The following LMO7 variants were observed in gnomAD, a reference collection of about 807,000 sequenced individuals.
The protein encoded by LMO7 is LIM domain only protein 7.
In LMO7, 120 loss-of-function variants were observed where a neutral mutation model predicts 206.5. That is an observed-to-expected ratio of 0.58 (90% CI 0.50 to 0.68). The LOEUF is 0.68. LMO7 is among the 30% of genes least tolerant of loss of function. The probability of loss-of-function intolerance (pLI) is 0.00; values close to 1 mark genes in which losing one functional copy is unlikely to be tolerated. For synonymous variants in LMO7, 706 were observed against 681.5 expected, an observed-to-expected ratio of 1.04 and a Z score of -0.56; for missense variants, 1,959 against 1,957.9, an observed-to-expected ratio of 1.00 and a Z score of -0.01.
chr13:75,820,963 A>T (rs534201138), intron 13 of LMO7, among the ~76,000 whole-genome samples: 6 of 150,852 alleles, frequency 4.0e-5, no homozygotes, highest in Middle Eastern at 3.4e-3. Flanking sequence ...GTGCCACTGC[A>T]CTCCAGCCTG....
chr13:75,713,153 G>T (rs2043257849), intron 1 of LMO7, 29 bp from the exon 2 acceptor site: 2 of 1,577,490 alleles, frequency 1.3e-6, no homozygotes, highest in Non-Finnish European at 8.7e-7. Context: ...CTGCTTAAGA[G>T]AAAATTAACA....
At chr13:75,752,833 T>C (rs9573652) in intron 3 of LMO7, among the ~76,000 whole-genome samples, 7,115 of 152,294 alleles carry the variant, frequency 0.047, 415 homozygotes, top group African/African-American at 0.13. Context: ...CAGTCCTTCA[T>C]TGATGGACAC....
chr13:75,725,127 T>C (rs1391872819), intron 2 of LMO7, among the ~76,000 whole-genome samples: 1 of 152,136 alleles, frequency 6.6e-6, no homozygotes, highest in African/African-American at 2.4e-5. Flanking sequence ...TAGGTTGTGC[T>C]ATTATTAATT....
intron 1 of LMO7, among the ~76,000 whole-genome samples, chr13:75,703,739 T>TGTGTGTGTGTGCGC (rs57290262): frequency 0.029 from 4,457 of 151,666 alleles, 92 homozygotes; most frequent in African/African-American, 0.045. Flanking sequence ...TGTGTGTGTG[T>TGTGTGTGTGTGCGC]GCACTGTGAG....
intron 1 of LMO7, among the ~76,000 whole-genome samples, chr13:75,676,602 T>C (rs2040037762): frequency 6.6e-6 from 1 of 152,214 alleles, no homozygotes; most frequent in Admixed American, 6.5e-5. Context: ...TAGTTTGTTC[T>C]CCTCTGAATA....
At chr13:75,731,283 T>G (rs1248630373) in intron 3 of LMO7, among the ~76,000 whole-genome samples, 1 of 152,206 alleles carries the variant, frequency 6.6e-6, no homozygotes, top group Non-Finnish European at 1.5e-5. Context: ...TGTTGGTCAC[T>G]CAGGACTTGC....
chr13:75,651,806 G>T (rs138354373), intron 1 of LMO7, among the ~76,000 whole-genome samples: 1 of 152,188 alleles, frequency 6.6e-6, no homozygotes, highest in African/African-American at 2.4e-5. Flanking sequence ...CTCTGCTTGT[G>T]GCTAGTCCAG....
Position 75,636,574 on chromosome 13 carries a change from C to A in LMO7, c.-84C>A. 6.5e-7 allele frequency: 1 copy of A among 1,537,570 alleles called. No individual in the cohort carries two copies. ...GAGTTGTGGGAGGCCCGCGTGCCCT[C>A]CCCGCCCGTGGGGCCCAGACGCGCG... On this transcript the variant is annotated 5_prime_UTR_variant, in exon 1 of 31. Coordinates refer to ENST00000377534, the MANE Select transcript of LMO7 (RefSeq NM_001306080.2).
intron 27 of LMO7, among the ~76,000 whole-genome samples, chr13:75,849,693 A>G (rs1452293254): frequency 6.6e-6 from 1 of 152,134 alleles, no homozygotes; most frequent in East Asian, 1.9e-4. Flanking sequence ...TATATTTCTA[A>G]TGAGATAATG....
intron 3 of LMO7, among the ~76,000 whole-genome samples, chr13:75,739,701 C>T (rs1291403309): frequency 6.6e-6 from 1 of 152,200 alleles, no homozygotes; most frequent in Non-Finnish European, 1.5e-5. Flanking sequence ...GTGATCACTG[C>T]TGACACATCG....
At chr13:75,804,095 T>C (rs2055132730) in intron 7 of LMO7, 194 bp from the exon 8 acceptor site, 3 of 564,702 alleles carry the variant, frequency 5.3e-6, no homozygotes, top group Non-Finnish European at 9.4e-6. Flanking sequence ...GTACTGCATG[T>C]GCCTCCAGTA....
intron 20 of LMO7, among the ~76,000 whole-genome samples, chr13:75,839,354 A>T (rs142162318): frequency 1.2e-4 from 18 of 152,296 alleles, no homozygotes; most frequent in Non-Finnish European, 2.5e-4. Context: ...TTATTTAAAA[A>T]ATTGTATGTG....
intron 17 of LMO7, among the ~76,000 whole-genome samples, chr13:75,834,868 G>T (rs1188979642): frequency 6.6e-6 from 1 of 152,124 alleles, no homozygotes; most frequent in African/African-American, 2.4e-5. Flanking sequence ...TTAAGCCTCT[G>T]CAGACCTACC....
Position 75,806,112 on chromosome 13 carries a change from C to T in LMO7, c.1196+352C>T, listed in dbSNP as rs537308092. 2.3e-5 allele frequency: 24 copies of T among 1,040,434 alleles called. No individual in the cohort carries two copies. In the East Asian group the frequency reaches 1.3e-3, roughly 57 times the overall value. 64.5% of individuals were successfully genotyped at this position (1,040,434 alleles called of 1,614,324 possible). A position where few individuals can be genotyped will look rare whatever the true frequency, so the allele number is the denominator to read the frequency against. ...ACTCAGGTTCTGACAGAAGCGCCAC[C>T]GTTTTTAGTAGAGCACAAAAAGCAG... On this transcript the variant is annotated intron_variant, in intron 9 of 30. Transcript: ENST00000377534.
chr13:75,776,205 A>AT (rs2050469911), intron 4 of LMO7, among the ~76,000 whole-genome samples: 2 of 114,164 alleles, frequency 1.8e-5, no homozygotes, highest in African/African-American at 3.2e-5. Flanking sequence ...ATATATATAT[A>AT]ACGTTAAGTC....
At chr13:75,838,115 T>G in intron 19 of LMO7, 25 bp from the exon 20 acceptor site, 1 of 1,364,480 alleles carries the variant, frequency 7.3e-7, no homozygotes, top group Non-Finnish European at 1.0e-6. Context: ...ATGAATGACA[T>G]AGTGTTTATT....
At chr13:75,725,730 G>A (rs557339266) in intron 2 of LMO7, among the ~76,000 whole-genome samples, 44 of 152,080 alleles carry the variant, frequency 2.9e-4, no homozygotes, top group Non-Finnish European at 4.9e-4. Flanking sequence ...AGGAAATTGC[G>A]TTGAGAGAAT....
At chr13:75,784,904 G>A (rs554630810) in intron 4 of LMO7, among the ~76,000 whole-genome samples, 24 of 152,154 alleles carry the variant, frequency 1.6e-4, no homozygotes, top group African/African-American at 5.8e-4. Flanking sequence ...ACCCAGCAGT[G>A]GTAAAATACA....
chr13:75,676,440 A>C (rs9530459), intron 1 of LMO7, among the ~76,000 whole-genome samples: 62,519 of 152,030 alleles, frequency 0.41, 14,021 homozygotes, highest in Middle Eastern at 0.53. Flanking sequence ...AATCTGAATA[A>C]CTTGTAAGTG....
Sources: allele counts gnomAD v4.1 joint callset (sites outside exome capture counted in the v4.1 genomes callset), GRCh38; gene constraint gnomAD v4.1.1; transcripts MANE v1.5; gene names NCBI Gene and HGNC (gene_info 2026-07-23, HGNC 2026-07-21).